SAE1: variants seen among roughly 807,000 people sequenced by gnomAD.
The protein encoded by SAE1 is SUMO1 activating enzyme subunit 1.
In SAE1, 11 loss-of-function variants were observed where a neutral mutation model predicts 40.6. The ratio of observed to expected loss-of-function variants is 0.27; its 90% CI spans 0.17 to 0.45. The LOEUF is 0.45. SAE1 is among the 20% of genes least tolerant of loss of function. The pLI is 1.00. For missense variants in SAE1, 373 were observed against 427.3 expected, an observed-to-expected ratio of 0.87 and a Z score of 1.12; for synonymous variants, 155 against 154.3, an observed-to-expected ratio of 1.00 and a Z score of -0.03.
chr19:47,131,305 C>T (rs1246924097), intron 1 of SAE1, among the ~76,000 whole-genome samples: 1 of 151,948 alleles, frequency 6.6e-6, no homozygotes. Context: ...CTCAGGAAAT[C>T]CGAGGCCCGA....
At chr19:47,150,908 C>T (rs1326040761) in intron 3 of SAE1, among the ~76,000 whole-genome samples, 2 of 152,126 alleles carry the variant, frequency 1.3e-5, no homozygotes, top group Non-Finnish European at 2.9e-5. Flanking sequence ...TCACTGTAGT[C>T]GTAAGTCAAA....
intron 6 of SAE1, among the ~76,000 whole-genome samples, chr19:47,179,243 C>G (rs1018037483): frequency 6.7e-6 from 1 of 149,944 alleles, no homozygotes; most frequent in African/African-American, 2.5e-5. Context: ...CGATGGCTCA[C>G]GCCTGTAATC....
intron 6 of SAE1, among the ~76,000 whole-genome samples, chr19:47,182,786 T>A (rs1025375401): frequency 2.6e-5 from 4 of 152,110 alleles, no homozygotes; most frequent in African/African-American, 7.2e-5. Flanking sequence ...TGTGAATTAA[T>A]AGTTACTGGT....
intron 5 of SAE1, among the ~76,000 whole-genome samples, chr19:47,156,086 G>A (rs1302331975): frequency 6.6e-6 from 1 of 151,534 alleles, no homozygotes; most frequent in African/African-American, 2.4e-5. Context: ...CTGGGTTACA[G>A]TAGCAAGACC....
intron 5 of SAE1, among the ~76,000 whole-genome samples, chr19:47,155,556 G>A (rs2058317374): frequency 6.6e-6 from 1 of 151,992 alleles, no homozygotes; most frequent in Non-Finnish European, 1.5e-5. Context: ...CACCTCCTGG[G>A]TTCAAGCAAT....
At chr19:47,144,950 G>A (rs1341993398) in intron 2 of SAE1, among the ~76,000 whole-genome samples, 1 of 151,770 alleles carries the variant, frequency 6.6e-6, no homozygotes, top group Admixed American at 6.6e-5. Context: ...TCCTGCCTCA[G>A]CCTCTGAAGT....
chr19:47,171,672 C>G (rs942417405), intron 6 of SAE1, among the ~76,000 whole-genome samples: 1 of 152,090 alleles, frequency 6.6e-6, no homozygotes, highest in Non-Finnish European at 1.5e-5. Context: ...CCATCTTGGC[C>G]AGGCTGGTCT....
chr19:47,147,129 G>C (rs2058259031), intron 2 of SAE1, among the ~76,000 whole-genome samples: 1 of 151,038 alleles, frequency 6.6e-6, no homozygotes, highest in African/African-American at 2.4e-5. Context: ...TGTAGCACGA[G>C]AGGAGAGCAA....
rs1295165746 is a variant in SAE1 at position 47,166,582 on chromosome 19, A to AT, written c.628-3235dup. Among the ~76,000 whole-genome samples, 4 of 152,170 alleles carry AT rather than the reference A, an allele frequency of 2.6e-5. No individual in the cohort carries two copies. The East Asian group carries it at 5.8e-4, about 22-fold the overall frequency. On this transcript the variant is annotated intron_variant, in intron 5 of 8. Coordinates refer to ENST00000270225, the MANE Select transcript of SAE1 (RefSeq NM_005500.3). ...TCCACCCCCAACTCCGTTTCATCAT[A>AT]TAGTAGCCTAACATATTAGTTGGTT... is the stretch of plus-strand genomic sequence containing the variant.
At chr19:47,155,537 T>C (rs1277650796) in intron 5 of SAE1, among the ~76,000 whole-genome samples, 1 of 152,062 alleles carries the variant, frequency 6.6e-6, no homozygotes, top group African/African-American at 2.4e-5. Context: ...CTCGGCTCAC[T>C]ACAGCCTCCA....
chr19:47,158,866 G>A (rs2058340188), intron 5 of SAE1, among the ~76,000 whole-genome samples: 1 of 152,144 alleles, frequency 6.6e-6, no homozygotes. Flanking sequence ...CTCACCCTAT[G>A]ATTTACAAAG....
chr19:47,178,032 A>G (rs1451403965), intron 6 of SAE1, among the ~76,000 whole-genome samples: 1 of 152,046 alleles, frequency 6.6e-6, no homozygotes. Flanking sequence ...CATGAGGTCA[A>G]GAGATCGAGA....
At chr19:47,169,308 C>T (rs1358981739) in intron 5 of SAE1, among the ~76,000 whole-genome samples, 2 of 152,032 alleles carry the variant, frequency 1.3e-5, no homozygotes, top group African/African-American at 2.4e-5. Flanking sequence ...TGCAGTGACG[C>T]GATCTTGGCT....
chr19:47,207,188 C>T (rs1373286495), intron 8 of SAE1, among the ~76,000 whole-genome samples: 2 of 152,102 alleles, frequency 1.3e-5, no homozygotes, highest in African/African-American at 2.4e-5. Context: ...TTGCAGTAAG[C>T]CGAGAATGTG....
intron 1 of SAE1, among the ~76,000 whole-genome samples, chr19:47,135,967 C>T (rs1445156183): frequency 6.6e-6 from 1 of 151,848 alleles, no homozygotes. Context: ...CCACGCCCGG[C>T]TAATTTCTGT....
rs558792596 is a variant in SAE1, at chr19:47,162,407, C to T, written c.627+7194C>T. 9.0e-4 allele frequency among the ~76,000 whole-genome samples: 137 copies of T among 152,102 alleles called. 1 individual carries two copies. The highest frequency in any genetic ancestry group is 1.5e-3 in the South Asian group (7 of 4,826). ...GGGCATTTTCAGCTTTACCAGACCC[C>T]GTTAAGTTACTCTCAAGTGGTTTTA... On this transcript the variant is annotated intron_variant, in intron 5 of 8. Transcript: ENST00000270225.
At position 47,196,469 on chromosome 19, in the gene SAE1, T is replaced by C. The variant is rs530030358; in HGVS notation, c.734-764T>C. On this transcript the variant is annotated intron_variant, in intron 6 of 8. Transcript: ENST00000270225. ...ACTTCCGCCTGCTGGATTCAAGTGA[T>C]TCTCCTGCTTCAGTCTCCCAAGTAG... Among the ~76,000 whole-genome samples, 6 of 150,298 alleles carry C rather than the reference T, an allele frequency of 4.0e-5. No individual in the cohort carries two copies. The South Asian group carries it at 1.3e-3, about 32-fold the overall frequency.
intron 6 of SAE1, among the ~76,000 whole-genome samples, chr19:47,188,947 C>T (rs1391044106): frequency 6.6e-6 from 1 of 152,212 alleles, no homozygotes; most frequent in Non-Finnish European, 1.5e-5. Context: ...GAGGCTCTCT[C>T]AAAGCCCCTT....
At chr19:47,204,610 G>A (rs1399379102) in intron 8 of SAE1, among the ~76,000 whole-genome samples, 4 of 148,664 alleles carry the variant, frequency 2.7e-5, no homozygotes, top group East Asian at 4.0e-4. Context: ...GGGTTCAAGC[G>A]ATTCTCCTGC....
Sources: gnomAD v4.1 joint callset for allele counts (sites outside exome capture counted in the v4.1 genomes callset) on GRCh38, gnomAD v4.1.1 for gene constraint, MANE v1.5 for transcripts, NCBI Gene and HGNC (gene_info 2026-07-23, HGNC 2026-07-21) for gene names.